NOS3: variants seen among roughly 807,000 people sequenced by gnomAD.
NOS3 encodes NOS type III.
Under a neutral mutation model 144.9 loss-of-function variants are expected in NOS3, and 98 were observed. That is an observed-to-expected ratio of 0.68 (90% CI 0.57 to 0.80). The LOEUF (loss-of-function observed/expected upper bound fraction) is 0.80. Among genes scored for constraint, NOS3 ranks in the 30% least tolerant of loss-of-function variants. The pLI, the probability that NOS3 is intolerant of heterozygous loss-of-function variation, is 0.00. For synonymous variants in NOS3, 714 were observed against 702.4 expected, an observed-to-expected ratio of 1.02 and a Z score of -0.26; for missense variants, 1,465 against 1,656.4, an observed-to-expected ratio of 0.88 and a Z score of 2.01.
chr7:151,003,271 G>T lies in NOS3; in HGVS notation c.1752+967G>T. The T allele has an allele frequency of 2.1e-6, 1 of 468,574 alleles. No individual in the cohort carries two copies. The highest frequency in any genetic ancestry group is 1.6e-5 in the South Asian group (1 of 64,322). 29.0% of individuals were successfully genotyped at this position (468,574 alleles called of 1,614,324 possible). A position where few individuals can be genotyped will look rare whatever the true frequency, so the allele number is the denominator to read the frequency against. On this transcript the variant is annotated intron_variant, in intron 14 of 26. Coordinates refer to ENST00000297494, the MANE Select transcript of NOS3 (RefSeq NM_000603.5). This position sits in a 1 kb window ranked among gnomAD's most constrained non-coding sequence, Gnocchi z 4.1. The stretch of plus-strand genomic sequence containing the variant: ...CTCCCAAGTAGTTGGGACTACAGGC[G>T]CATGCCATGATGCCTAGCTAATTTT...
In NOS3 at chr7:151,008,880, G is replaced by T. The variant is rs145555620; in HGVS notation, c.2113-50G>T. ...GAAGCCGCCCAGGCGCCTCACTAGG[G>T]CGACCCCTGGTGGCGGGAGGTCCTC... is the stretch of plus-strand genomic sequence containing the variant. On this transcript the variant is annotated intron_variant, in intron 17 of 26. Transcript: ENST00000297494. The T allele has an allele frequency of 1.1e-3, 1,668 of 1,557,160 alleles. 14 individuals are homozygous for T. The African/African-American group carries it at 0.02, about 19-fold the overall frequency.
At position 151,002,290 on chromosome 7, in the gene NOS3, C is replaced by A; in HGVS notation, c.1738C>A (p.Pro580Thr). The A allele has an allele frequency of 6.3e-7, 1 of 1,588,318 alleles. No individual in the cohort carries two copies. Among genetic ancestry groups the A allele is most frequent in the Non-Finnish European group, 8.6e-7 (1 of 1,165,336 alleles). Residue 580 changes from proline (P) to threonine (T), a missense_variant, in exon 14 of 27, where the codon CCG (proline) becomes ACG (threonine). By Grantham distance (38) the Pro-to-Thr change is conservative (BLOSUM62 -1). Transcript: ENST00000297494. The surrounding 1 kb of genome is among the most constrained non-coding windows in gnomAD (Gnocchi z 4.1). ...CAGCACATTTGGGAATGGGGATCCC[C>A]CGGAGAATGGAGAGGTGAGAACTTC... ...VTSTFGNGDPPENGESFAAAL... is the reference protein window; with the variant it reads ...VTSTFGNGDPTENGESFAAAL...
At chr7:151,010,433 CAG>C (rs1795280075) in intron 21 of NOS3, 146 bp downstream of exon 21, 2 of 1,051,314 alleles carry the variant, frequency 1.9e-6, no homozygotes, top group Admixed American at 2.8e-5. Context: ...CCCAGCTCCT[CAG>C]GGAGGAATTC....
rs1001748820 is a variant in NOS3, at chr7:150,998,061, T to C, written c.583-296T>C. ...GGCCTCTTAGACATCCGTTGGTGCCTAACCCAAGCATCAGTTTGGCAGAGG... is the reference window on the plus strand; with the variant it reads ...GGCCTCTTAGACATCCGTTGGTGCCCAACCCAAGCATCAGTTTGGCAGAGG... On this transcript the variant is annotated intron_variant, in intron 5 of 26. Transcript: ENST00000297494. This position sits in a 1 kb window ranked among gnomAD's most constrained non-coding sequence, Gnocchi z 5.0. 6.6e-6 allele frequency among the ~76,000 whole-genome samples: 1 copy of C among 152,220 alleles called. No individual in the cohort carries two copies. Among genetic ancestry groups the C allele is most frequent in the African/African-American group, 2.4e-5 (1 of 41,440 alleles).
rs145168353 is a variant in NOS3 at position 151,006,479 on chromosome 7, G to A, written c.1805G>A (p.Arg602Gln). The stretch of plus-strand genomic sequence containing the variant: ...TCCGGCCCCTACAACAGCTCCCCTC[G>A]GCCGGAACAGCACAAGTGAGTTGGG... Reference protein sequence around the residue: ...EMSGPYNSSPRPEQHKSYKIR... With the variant: ...EMSGPYNSSPQPEQHKSYKIR... Residue 602 changes from arginine (R) to glutamine (Q), a missense_variant, in exon 15 of 27, where the codon CGG (arginine) becomes CAG (glutamine). This residue lies in a region of NOS3 where 745 missense variants were observed against 853.9 expected (regional missense o/e 0.87). Transcript: ENST00000297494. 96 of 1,613,684 alleles carry A rather than the reference G, an allele frequency of 5.9e-5. 1 individual carries two copies. The East Asian group carries it at 1.8e-3, about 30-fold the overall frequency.
intron 17 of NOS3, among the ~76,000 whole-genome samples, chr7:151,007,739 G>A (rs1215311088): frequency 6.6e-6 from 1 of 152,264 alleles, no homozygotes; most frequent in East Asian, 1.9e-4. Context: ...CTGCACCGCA[G>A]AACTGGTCCC....
In NOS3 at chr7:150,991,283, C is replaced by G. The variant is rs1802249585; in HGVS notation, c.-69C>G. On this transcript the variant is annotated 5_prime_UTR_variant, in exon 1 of 27. Coordinates refer to ENST00000297494, the MANE Select transcript of NOS3 (RefSeq NM_000603.5). The stretch of plus-strand genomic sequence containing the variant: ...CTGGCATCTGGAAGCTGTCAGCCAC[C>G]AGCACCTTCTGCAGCAGGTACCTGC... 1 of 152,244 alleles carries G rather than the reference C, an allele frequency of 6.6e-6. No individual in the cohort carries two copies. 9.4% of individuals were successfully genotyped at this position (152,244 alleles called of 1,614,324 possible).
At chr7:151,007,298 C>A (rs375508543) in intron 17 of NOS3, 22 bp downstream of exon 17, 14 of 1,576,892 alleles carry the variant, frequency 8.9e-6, no homozygotes, top group South Asian at 2.3e-5. Context: ...CCAGCCCCTG[C>A]TCTGACTCCT....
Position 150,993,832 on chromosome 7 carries a change from A to C in NOS3, c.29A>C (p.Glu10Ala). 1.3e-6 allele frequency: 2 copies of C among 1,600,006 alleles called. No individual in the cohort carries two copies. The highest frequency in any genetic ancestry group is 1.7e-6 in the Non-Finnish European group (2 of 1,176,232). ...GGCAACTTGAAGAGCGTGGCCCAGG[A>C]GCCTGGGCCACCCTGCGGCCTGGGG... MGNLKSVAQ[E>A]PGPPCGLGLG... The change falls in exon 2 of 27, where the codon GAG (glutamate) becomes GCG (alanine). Residue 10 changes from glutamate to alanine, a missense_variant. This residue lies in a region of NOS3 where 374 missense variants were observed against 377.0 expected (regional missense o/e 0.99). Transcript: ENST00000297494. This position sits in a 1 kb window ranked among gnomAD's most constrained non-coding sequence, Gnocchi z 4.0.
chr7:151,000,832 T>G (rs1795073221), intron 10 of NOS3, among the ~76,000 whole-genome samples: 1 of 152,176 alleles, frequency 6.6e-6, no homozygotes, highest in Non-Finnish European at 1.5e-5. Context: ...CCTTGCTGTT[T>G]ACTGCATGCC....
At chr7:151,012,212 T>TGTTTTGG in intron 23 of NOS3, 139 bp from the exon 24 acceptor site, 1 of 683,926 alleles carries the variant, frequency 1.5e-6, no homozygotes, top group East Asian at 2.8e-5. Context: ...AGTAGAGTTG[T>TGTTTTGG]TTTTTGTTTT....
rs1414978504 is a variant in NOS3, at chr7:151,014,578, AC to A, written c.*413del. On this transcript the variant is annotated 3_prime_UTR_variant, in exon 27 of 27. Transcript: ENST00000297494. Reference sequence around the variant, plus strand: ...TGTTAGGAGAACTACTAAAGTGCCTACCCCAGCTCATGTGGATTACAGTTTT... The same window carrying A: ...TGTTAGGAGAACTACTAAAGTGCCTACCCAGCTCATGTGGATTACAGTTTT... The A allele has an allele frequency of 5.7e-6, 1 of 175,688 alleles. No individual in the cohort carries two copies. Among genetic ancestry groups the A allele is most frequent in the African/African-American group, 2.4e-5 (1 of 41,550 alleles). The allele number at this position is 175,688 out of a possible 1,614,324, so 10.9% of individuals were successfully genotyped here.
chr7:151,001,656 T>TGG (rs1468759188), intron 12 of NOS3, 39 bp downstream of exon 12: 2 of 1,601,634 alleles, frequency 1.2e-6, no homozygotes, highest in Non-Finnish European at 1.7e-6. Context: ...ACACACACCC[T>TGG]GGGGGCCCCA....
In NOS3 at chr7:151,009,011, C is replaced by T; in HGVS notation, c.2194C>T (p.Arg732Cys). The T allele has an allele frequency of 1.2e-6, 2 of 1,612,078 alleles. No individual in the cohort carries two copies. The highest frequency in any genetic ancestry group is 1.7e-6 in the Non-Finnish European group (2 of 1,179,506). The part of the protein sequence containing the change: ...DIFSPKRSWK[R>C]QRYRLSAQAE... Reference sequence around the variant, plus strand: ...CTTCAGCCCCAAACGGAGCTGGAAGCGCCAGAGGTACCGGCTGAGCGCCCA... The same window carrying T: ...CTTCAGCCCCAAACGGAGCTGGAAGTGCCAGAGGTACCGGCTGAGCGCCCA... The change falls in exon 18 of 27, where the codon CGC (arginine) becomes TGC (cysteine). Residue 732 changes from arginine (R) to cysteine (C), a missense_variant. Arg to Cys is a radical substitution (Grantham distance 180). Coordinates refer to ENST00000297494, the MANE Select transcript of NOS3 (RefSeq NM_000603.5).
Position 150,993,980 on chromosome 7 carries a change from G to A in NOS3, c.158+19G>A, listed in dbSNP as rs569623185. 2.0e-5 allele frequency: 31 copies of A among 1,545,656 alleles called. No individual in the cohort carries two copies. The highest frequency in any genetic ancestry group is 4.3e-4 in the Middle Eastern group (2 of 4,672). ...AACACAGGTAAGGGCCAGGCAGCTA[G>A]GAGCAGGTGGGCAACAAGGGTGGTG... On this transcript the variant is annotated intron_variant, in intron 2 of 26. Transcript: ENST00000297494. The surrounding 1 kb of genome is among the most constrained non-coding windows in gnomAD (Gnocchi z 4.0).
chr7:151,004,683 A>C (rs1236222678), intron 14 of NOS3, among the ~76,000 whole-genome samples: 2 of 152,226 alleles, frequency 1.3e-5, no homozygotes, highest in African/African-American at 4.8e-5. Flanking sequence ...GCCAGACCAA[A>C]GAATACATAC....
Position 150,998,827 on chromosome 7 carries a change from T to A in NOS3, c.817-119T>A. The A allele has an allele frequency of 6.8e-7, 1 of 1,464,120 alleles. No homozygotes were observed. Among genetic ancestry groups the A allele is most frequent in the African/African-American group, 1.4e-5 (1 of 70,898 alleles). 90.7% of individuals were successfully genotyped at this position (1,464,120 alleles called of 1,614,324 possible). ...CACCAAAGGAGGGGTGCCTGGGTGGTCACGGAGACCCAGCCAATGAGGGAC... is the reference window on the plus strand; with the variant it reads ...CACCAAAGGAGGGGTGCCTGGGTGGACACGGAGACCCAGCCAATGAGGGAC... On this transcript the variant is annotated intron_variant, in intron 7 of 26. Coordinates refer to ENST00000297494, the MANE Select transcript of NOS3 (RefSeq NM_000603.5). The surrounding 1 kb of genome is among the most constrained non-coding windows in gnomAD (Gnocchi z 5.0).
intron 1 of NOS3, among the ~76,000 whole-genome samples, chr7:150,991,630 A>G (rs1337712118): frequency 6.6e-6 from 1 of 152,152 alleles, no homozygotes; most frequent in Non-Finnish European, 1.5e-5. Flanking sequence ...CAGAGTGTGG[A>G]GCCCAGATGG....
intron 12 of NOS3, 31 bp from the exon 13 acceptor site, chr7:151,001,769 GAGGCCCTGCCTCTGTGCACCC>G: frequency 6.2e-7 from 1 of 1,610,342 alleles, no homozygotes; most frequent in South Asian, 1.1e-5. Flanking sequence ...CTTGCCTGGG[GAGGCCCTGCCTCTGTGCACCC>G]AGGACACCCT....
Sources: allele counts gnomAD v4.1 joint callset (sites outside exome capture counted in the v4.1 genomes callset), GRCh38; gene constraint gnomAD v4.1.1; regional missense constraint gnomAD v4.1.1; non-coding constraint Gnocchi (gnomAD v3.1); transcripts MANE v1.5; gene names NCBI Gene and HGNC (gene_info 2026-07-23, HGNC 2026-07-21).